Variants in KLHL6 observed in about 807,000 individuals in gnomAD.
KLHL6 encodes the protein kelch-like protein 6.
In KLHL6, 41 loss-of-function variants were observed where a neutral mutation model predicts 58.6. The ratio of observed to expected loss-of-function variants is 0.70; its 90% CI spans 0.55 to 0.91. The LOEUF (loss-of-function observed/expected upper bound fraction) is 0.91, where lower values mean the gene tolerates loss of function less well. Ranked by LOEUF, KLHL6 falls within the 40% of genes least tolerant of loss-of-function variation. KLHL6 has a pLI of 0.00. For synonymous variants in KLHL6, 338 were observed against 322.7 expected, an observed-to-expected ratio of 1.05 and a Z score of -0.51; for missense variants, 714 against 805.6, an observed-to-expected ratio of 0.89 and a Z score of 1.38.
intron 1 of KLHL6, among the ~76,000 whole-genome samples, chr3:183,531,166 C>A (rs1164509791): frequency 6.6e-6 from 1 of 151,800 alleles, no homozygotes; most frequent in African/African-American, 2.4e-5. Flanking sequence ...GAAAAATTAC[C>A]CTAAGGGTGA....
At chr3:183,544,147 G>A (rs1229002624) in intron 1 of KLHL6, among the ~76,000 whole-genome samples, 1 of 116,830 alleles carries the variant, frequency 8.6e-6, no homozygotes, top group Non-Finnish European at 1.6e-5. Context: ...TGGGCGACAA[G>A]AGCGAAACTC....
chr3:183,490,793 T>C lies in KLHL6; in HGVS notation c.*1134A>G, dbSNP rs1201302554. The C allele has an allele frequency of 8.9e-6, 1 of 112,576 alleles. No homozygotes were observed. Among genetic ancestry groups the C allele is most frequent in the Admixed American group, 8.8e-5 (1 of 11,306 alleles). 7.0% of individuals were successfully genotyped at this position (112,576 alleles called of 1,614,324 possible). On this transcript the variant is annotated 3_prime_UTR_variant, in exon 7 of 7. Coordinates refer to ENST00000341319, the MANE Select transcript of KLHL6 (RefSeq NM_130446.4). Reference sequence around the variant, plus strand: ...GCACTCCAGCCTGGGCGACTTCATCTCAAAAAAAAAAAAAAGAGGGTTTCA... The same window carrying C: ...GCACTCCAGCCTGGGCGACTTCATCCCAAAAAAAAAAAAAAGAGGGTTTCA...
chr3:183,546,132 A>G (rs1236078721), intron 1 of KLHL6, among the ~76,000 whole-genome samples: 2 of 152,170 alleles, frequency 1.3e-5, no homozygotes, highest in Non-Finnish European at 2.9e-5. Flanking sequence ...CATCCCTACA[A>G]GTGTATCCAG....
chr3:183,528,228 T>C (rs984308234), intron 1 of KLHL6, among the ~76,000 whole-genome samples: 4 of 152,188 alleles, frequency 2.6e-5, no homozygotes, highest in African/African-American at 4.8e-5. Flanking sequence ...CCATGCCCGA[T>C]TGTGATCTCC....
chr3:183,531,443 G>GTTTTTTTTTT (rs59579259), intron 1 of KLHL6, among the ~76,000 whole-genome samples: 3 of 90,364 alleles, frequency 3.3e-5, no homozygotes, highest in African/African-American at 4.8e-5. Context: ...TTTTGTCTGT[G>GTTTTTTTTTT]TTTTTTTTTT....
chr3:183,490,805 AAAAG>A lies in KLHL6; in HGVS notation c.*1118_*1121del, dbSNP rs1717525446. ...GGGCGACTTCATCTCAAAAAAAAAA[AAAAG>A]AGGGTTTCAATGGGAGGAGGACAGA... On this transcript the variant is annotated 3_prime_UTR_variant, in exon 7 of 7. Transcript: ENST00000341319. The A allele has an allele frequency of 6.6e-6, 1 of 152,096 alleles. No individual in the cohort carries two copies. The highest frequency in any genetic ancestry group is 6.6e-5 in the Admixed American group (1 of 15,266). 9.4% of individuals were successfully genotyped at this position (152,096 alleles called of 1,614,324 possible).
At position 183,499,351 on chromosome 3, in the gene KLHL6, AAAAAG is replaced by A. The variant is rs771668939; in HGVS notation, c.1147+234_1147+238del. Among the ~76,000 whole-genome samples the A allele has an allele frequency of 3.4e-4, 51 of 152,076 alleles. No homozygotes were observed. Among genetic ancestry groups the A allele is most frequent in the East Asian group, 1.2e-3 (6 of 5,182 alleles). ...ACAGAGCGAGACGCTGTCTCAAAAA[AAAAAG>A]AAAAGAAAAGAAAAGAAAAAAATAG... On this transcript the variant is annotated intron_variant, in intron 4 of 6. Coordinates refer to ENST00000341319, the MANE Select transcript of KLHL6 (RefSeq NM_130446.4). This position sits in a 1 kb window ranked among gnomAD's most constrained non-coding sequence, Gnocchi z 4.6.
intron 2 of KLHL6, among the ~76,000 whole-genome samples, chr3:183,512,137 C>T (rs527341530): frequency 6.6e-5 from 10 of 152,320 alleles, no homozygotes; most frequent in Admixed American, 1.3e-4. Flanking sequence ...GAACTGGACA[C>T]CAGAACCCTA....
chr3:183,552,717 CAAAAAAAAA>C (rs1169148282), intron 1 of KLHL6, among the ~76,000 whole-genome samples: 13 of 47,604 alleles, frequency 2.7e-4, no homozygotes, highest in African/African-American at 6.6e-4. Flanking sequence ...GACTCCGTCT[CAAAAAAAAA>C]AAAAAAAAAA....
intron 1 of KLHL6, among the ~76,000 whole-genome samples, chr3:183,534,433 T>A (rs1712292323): frequency 6.6e-6 from 1 of 152,178 alleles, no homozygotes; most frequent in African/African-American, 2.4e-5. Flanking sequence ...AGACAGAGTC[T>A]CACTCTGTTG....
At chr3:183,511,146 G>A (rs1718173494) in intron 2 of KLHL6, among the ~76,000 whole-genome samples, 1 of 152,298 alleles carries the variant, frequency 6.6e-6, no homozygotes, top group African/African-American at 2.4e-5. Context: ...TGCAGTAGGA[G>A]AGCAGGGTGA....
chr3:183,531,396 C>A (rs1712152602), intron 1 of KLHL6, among the ~76,000 whole-genome samples: 1 of 147,510 alleles, frequency 6.8e-6, no homozygotes, highest in African/African-American at 2.5e-5. Flanking sequence ...TTTGGACTTT[C>A]TTGGGACACA....
chr3:183,514,492 T>G (rs1711508551), intron 2 of KLHL6, among the ~76,000 whole-genome samples: 1 of 151,808 alleles, frequency 6.6e-6, no homozygotes, highest in South Asian at 2.1e-4. Context: ...CCTACGCGCC[T>G]CACCCAGACA....
Position 183,550,289 on chromosome 3 carries a change from T to C in KLHL6, c.293+5072A>G, listed in dbSNP as rs139725412. Among the ~76,000 whole-genome samples the C allele has an allele frequency of 3.8e-3, 583 of 152,156 alleles. 7 individuals are homozygous for C. The highest frequency in any genetic ancestry group is 0.014 in the African/African-American group (566 of 41,516). Reference sequence around the variant, plus strand: ...ATCTACTGAATAAGTGATCCAGAAATAGTAAACAAGGAAAACAGTAACCAT... The same window carrying C: ...ATCTACTGAATAAGTGATCCAGAAACAGTAAACAAGGAAAACAGTAACCAT... On this transcript the variant is annotated intron_variant, in intron 1 of 6. Transcript: ENST00000341319.
intron 4 of KLHL6, among the ~76,000 whole-genome samples, chr3:183,498,380 A>G (rs1156309141): frequency 6.6e-6 from 1 of 152,226 alleles, no homozygotes; most frequent in Non-Finnish European, 1.5e-5. Context: ...CCACAAGTTC[A>G]GATTCAAGAA....
intron 1 of KLHL6, among the ~76,000 whole-genome samples, chr3:183,534,139 T>TACTTTTACTTTA (rs1712279771): frequency 2.6e-5 from 2 of 76,652 alleles, no homozygotes; most frequent in African/African-American, 9.1e-5. Context: ...TTTGTACTTT[T>TACTTTTACTTTA]AAAGTACTTT....
Position 183,536,210 on chromosome 3 carries a change from G to T in KLHL6, c.294-8200C>A, listed in dbSNP as rs374180206. Among the ~76,000 whole-genome samples, 27 of 152,328 alleles carry T rather than the reference G, an allele frequency of 1.8e-4. No homozygotes were observed. In the South Asian group the frequency reaches 2.1e-3, roughly 12 times the overall value. On this transcript the variant is annotated intron_variant, in intron 1 of 6. Coordinates refer to ENST00000341319, the MANE Select transcript of KLHL6 (RefSeq NM_130446.4). ...AAGGGAACAGGGGGGCAAGACAAGG[G>T]GGGGAGGAAGCCCAGCAAGACAAAA...
intron 2 of KLHL6, among the ~76,000 whole-genome samples, chr3:183,525,269 A>AAAAAACACACACACACACAC (rs55871319): frequency 2.2e-5 from 3 of 133,794 alleles, no homozygotes; most frequent in African/African-American, 8.3e-5. Flanking sequence ...CTAAAAAAAA[A>AAAAAACACACACACACACAC]ACACACACAC....
chr3:183,518,303 G>T (rs918923634), intron 2 of KLHL6, among the ~76,000 whole-genome samples: 2 of 151,914 alleles, frequency 1.3e-5, no homozygotes, highest in African/African-American at 4.8e-5. Flanking sequence ...AACTCACCTC[G>T]CAGGCTCACA....
Sources: gnomAD v4.1 joint callset for allele counts (sites outside exome capture counted in the v4.1 genomes callset) on GRCh38, gnomAD v4.1.1 for gene constraint, Gnocchi (gnomAD v3.1) non-coding constraint, MANE v1.5 for transcripts, NCBI Gene and HGNC (gene_info 2026-07-23, HGNC 2026-07-21) for gene names.